Variants in UPRT observed in about 807,000 individuals in gnomAD.
UPRT encodes the protein RP11-311P8.3.
Under a neutral mutation model 22.6 loss-of-function variants are expected in UPRT, and 5 were observed. The observed-to-expected ratio is 0.22, with a 90% CI of 0.12 to 0.47. UPRT has a LOEUF of 0.47. UPRT is among the 20% of genes least tolerant of loss of function. The probability of loss-of-function intolerance (pLI) is 0.99; values close to 1 mark genes in which losing one functional copy is unlikely to be tolerated. For synonymous variants in UPRT, 77 were observed against 87.7 expected, an observed-to-expected ratio of 0.88 and a Z score of 0.68; for missense variants, 181 against 239.9, an observed-to-expected ratio of 0.75 and a Z score of 1.62.
chrX:75,236,347 G>C (rs921217284), intron 4 of UPRT, among the ~76,000 whole-genome samples: 7 of 111,491 alleles, frequency 6.3e-5, no homozygotes, highest in South Asian at 3.8e-4. Context: ...TAGGAAGAAT[G>C]AATATTGTGA....
In UPRT at chrX:75,174,082, C is replaced by T. The variant is rs781508320; in HGVS notation, c.-447+6203C>T. Among the ~76,000 whole-genome samples, 22 of 112,163 alleles carry T rather than the reference C, an allele frequency of 2.0e-4. No individual in the cohort carries two copies. In the East Asian group the frequency reaches 3.4e-3, roughly 17 times the overall value. ...GTGGGCTGAAGGGCTCCTCAAATGC[C>T]GCCAAACTGGGAGCCCGGGCAGAGG... On this transcript the variant is annotated intron_variant, in intron 4 of 13. Transcript: ENST00000652605.
At chrX:75,213,582 G>T (rs2082385203) in intron 4 of UPRT, among the ~76,000 whole-genome samples, 1 of 111,293 alleles carries the variant, frequency 9.0e-6, no homozygotes, top group Admixed American at 9.6e-5. Flanking sequence ...TTTCTACAAG[G>T]AATCCACGTT....
intron 4 of UPRT, among the ~76,000 whole-genome samples, chrX:75,205,641 A>G (rs766759026): frequency 1.8e-5 from 2 of 111,423 alleles, no homozygotes; most frequent in South Asian, 7.6e-4. Context: ...AGTTAAGATA[A>G]CCTGGTTAGG....
chrX:75,291,604 G>A, intron 1 of UPRT: 2 of 137,874 alleles, frequency 1.5e-5, no homozygotes, highest in East Asian at 2.5e-4. Flanking sequence ...CAATGTTAAA[G>A]ATTTAAATAT....
intron 4 of UPRT, among the ~76,000 whole-genome samples, chrX:75,255,172 A>C (rs1221803570): frequency 8.9e-6 from 1 of 111,882 alleles, no homozygotes; most frequent in Non-Finnish European, 1.9e-5. Flanking sequence ...AAACCCTACA[A>C]GCTGGAAGGG....
intron 1 of UPRT, among the ~76,000 whole-genome samples, chrX:75,283,284 A>G (rs1228518294): frequency 9.0e-6 from 1 of 111,128 alleles, no homozygotes; most frequent in Non-Finnish European, 1.9e-5. Flanking sequence ...CAATGTTAGT[A>G]TTGAAATGTG....
intron 4 of UPRT, among the ~76,000 whole-genome samples, chrX:75,190,849 C>G (rs763740895): frequency 2.5e-4 from 28 of 111,659 alleles, no homozygotes; most frequent in African/African-American, 9.1e-4. Context: ...AAGGACTTCT[C>G]TACACTGGTT....
At chrX:75,258,928 G>A (rs1234655326) in intron 4 of UPRT, among the ~76,000 whole-genome samples, 1 of 111,785 alleles carries the variant, frequency 8.9e-6, no homozygotes, top group African/African-American at 3.3e-5. Flanking sequence ...GAAGGAACAG[G>A]CAGCAATATT....
chrX:75,209,319 G>A (rs1053286527), intron 4 of UPRT, among the ~76,000 whole-genome samples: 1 of 111,577 alleles, frequency 9.0e-6, no homozygotes, highest in East Asian at 2.8e-4. Flanking sequence ...AGTTAGAGGT[G>A]ATGAAGCGGG....
upstream of UPRT, among the ~76,000 whole-genome samples, chrX:75,271,350 A>G (rs1428667008): frequency 8.9e-6 from 1 of 111,755 alleles, no homozygotes; most frequent in African/African-American, 3.3e-5. Context: ...ATCCAAATAC[A>G]GCCAACTGAT....
At chrX:75,251,104 C>G (rs1338673687) in intron 4 of UPRT, among the ~76,000 whole-genome samples, 1 of 111,331 alleles carries the variant, frequency 9.0e-6, no homozygotes, top group Non-Finnish European at 1.9e-5. Context: ...CAGCCAATAT[C>G]ATACTAAATG....
In UPRT at chrX:75,236,621, A is replaced by G. The variant is rs183261755; in HGVS notation, c.-446-54403A>G. On this transcript the variant is annotated intron_variant, in intron 4 of 13. Transcript: ENST00000652605. ...AAAAGATATAGATCAATGGAACAGA[A>G]CCGAGCCCTCTGAAATAATGCTGCA... Among the ~76,000 whole-genome samples the G allele has an allele frequency of 3.7e-3, 418 of 112,123 alleles. 3 individuals are homozygous for G. The highest frequency in any genetic ancestry group is 0.013 in the African/African-American group (397 of 30,858).
chrX:75,257,572 T>C (rs775701686), intron 4 of UPRT, among the ~76,000 whole-genome samples: 1 of 111,525 alleles, frequency 9.0e-6, no homozygotes, highest in Non-Finnish European at 1.9e-5. Flanking sequence ...AAAGAGAAAG[T>C]TAAACTGTCA....
At chrX:75,272,679 A>T (rs972835742), upstream of UPRT, among the ~76,000 whole-genome samples, 24 of 109,081 alleles carry the variant, frequency 2.2e-4, no homozygotes, top group African/African-American at 4.7e-4. Flanking sequence ...TCAAATCACC[A>T]CTAAAGAACT....
intron 4 of UPRT, among the ~76,000 whole-genome samples, chrX:75,255,859 T>TA (rs984459486): frequency 1.3e-4 from 15 of 111,581 alleles, no homozygotes; most frequent in Admixed American, 3.8e-4. Context: ...CTTAAATTTA[T>TA]AAAAAAATTA....
chrX:75,231,162 C>T (rs1006225272), intron 4 of UPRT, among the ~76,000 whole-genome samples: 1 of 111,292 alleles, frequency 9.0e-6, no homozygotes, highest in African/African-American at 3.3e-5. Flanking sequence ...CAAGGGGCAC[C>T]AGACAAAGGT....
chrX:75,276,557 A>G (rs1191030052), intron 1 of UPRT, among the ~76,000 whole-genome samples: 3 of 111,277 alleles, frequency 2.7e-5, no homozygotes. Flanking sequence ...ATATACAACA[A>G]AGAAAAATAG....
At chrX:75,300,658 G>A (rs745787784) in intron 5 of UPRT, among the ~76,000 whole-genome samples, 2 of 110,183 alleles carry the variant, frequency 1.8e-5, no homozygotes, top group Admixed American at 9.7e-5. Flanking sequence ...GTGGTGGCAC[G>A]TGCCTATAGT....
At chrX:75,222,568 T>C (rs893620264) in intron 4 of UPRT, among the ~76,000 whole-genome samples, 14 of 111,172 alleles carry the variant, frequency 1.3e-4, no homozygotes, top group African/African-American at 3.6e-4. Context: ...TCCTTCCTTC[T>C]TTTTCCTCCC....
Sources: gnomAD v4.1 joint callset for allele counts (sites outside exome capture counted in the v4.1 genomes callset) on GRCh38, gnomAD v4.1.1 for gene constraint, MANE v1.5 for transcripts, NCBI Gene and HGNC (gene_info 2026-07-23, HGNC 2026-07-21) for gene names.